The following DRC4 variants were observed in gnomAD, a reference collection of about 807,000 sequenced individuals.
DRC4 encodes GAS-11.
the DRC4 span, among the ~76,000 whole-genome samples, chr16:90,024,693 A>T: frequency 2.0e-5 from 3 of 152,010 alleles, no homozygotes; most frequent in African/African-American, 7.3e-5. Flanking sequence ...CTTATATATA[A>T]CTGAGTTTCT....
At chr16:90,031,533 C>T in the DRC4 span, 18 of 1,526,946 alleles carry the variant, frequency 1.2e-5, no homozygotes, top group East Asian at 4.4e-4. Flanking sequence ...AACCTGGTCA[C>T]CACAGAGCCC....
At chr16:90,025,119 C>T in the DRC4 span, among the ~76,000 whole-genome samples, 9 of 150,322 alleles carry the variant, frequency 6.0e-5, no homozygotes, top group East Asian at 8.2e-4. Context: ...TGGGTTCAAG[C>T]GATTCTCCTG....
At chr16:90,037,337 G>A in the DRC4 span, 1 of 1,613,992 alleles carries the variant, frequency 6.2e-7, no homozygotes, top group South Asian at 1.1e-5. Context: ...GAAGGCTCGG[G>A]AGGAGATGAG....
chr16:90,042,024 G>A, the DRC4 span, among the ~76,000 whole-genome samples: 47 of 151,962 alleles, frequency 3.1e-4, 1 homozygote, highest in South Asian at 5.4e-3. Context: ...TGCAACCTCC[G>A]TTTCCCAGGT....
the DRC4 span, chr16:90,032,631 G>A: frequency 8.2e-7 from 1 of 1,219,026 alleles, no homozygotes; most frequent in Non-Finnish European, 1.2e-6. Flanking sequence ...TGGTACAGGT[G>A]TGCTATGGGT....
At chr16:90,043,080 TG>T in the DRC4 span, 1 of 1,214,482 alleles carries the variant, frequency 8.2e-7, no homozygotes. Context: ...GATAAGCCTT[TG>T]GCTTTATCCT....
chr16:90,042,990 A>G, the DRC4 span: 1 of 570,338 alleles, frequency 1.8e-6, no homozygotes, highest in Non-Finnish European at 3.1e-6. Flanking sequence ...GAATAGGAAT[A>G]GTGACAGCCT....
chr16:90,036,347 C>G, the DRC4 span: 2 of 1,560,326 alleles, frequency 1.3e-6, no homozygotes, highest in African/African-American at 1.4e-5. Flanking sequence ...CCACGTCTTC[C>G]TCTGCTAAGC....
chr16:90,041,336 C>T, the DRC4 span, among the ~76,000 whole-genome samples: 1 of 152,194 alleles, frequency 6.6e-6, no homozygotes, highest in South Asian at 2.1e-4. Flanking sequence ...TTGCTGCTGG[C>T]CAGGTGTGAG....
chr16:90,028,369 T>C, the DRC4 span, among the ~76,000 whole-genome samples: 95 of 151,856 alleles, frequency 6.3e-4, no homozygotes, highest in African/African-American at 2.2e-3. Context: ...TTTGTATTTT[T>C]AGTAGAGACG....
the DRC4 span, chr16:90,031,167 T>A: frequency 6.6e-7 from 1 of 1,518,342 alleles, no homozygotes; most frequent in Non-Finnish European, 8.8e-7. Context: ...TTTAACTTTT[T>A]ACATTTAGCT....
At chr16:90,028,826 A>G in the DRC4 span, 1 of 735,338 alleles carries the variant, frequency 1.4e-6, no homozygotes, top group South Asian at 1.8e-5. Flanking sequence ...TTCTTTTGAT[A>G]GTTGTAAGAT....
the DRC4 span, chr16:90,031,557 T>C: frequency 6.7e-7 from 1 of 1,495,400 alleles, no homozygotes; most frequent in Non-Finnish European, 9.0e-7. Context: ...AGGAGCTGGA[T>C]CCAGTGAGGG....
At chr16:90,031,521 C>G in the DRC4 span, 15 of 1,539,454 alleles carry the variant, frequency 9.7e-6, no homozygotes, top group Non-Finnish European at 1.1e-5. Context: ...CCTGCACGTG[C>G]TAACCTGGTC....
the DRC4 span, chr16:90,027,737 C>T: frequency 6.2e-7 from 1 of 1,612,948 alleles, no homozygotes; most frequent in Non-Finnish European, 8.5e-7. Flanking sequence ...GCAGAGCGGG[C>T]TGTGGCCCAG....
At chr16:90,038,974 C>T in the DRC4 span, among the ~76,000 whole-genome samples, 5 of 152,208 alleles carry the variant, frequency 3.3e-5, no homozygotes, top group East Asian at 9.6e-4. Context: ...AATTTTTGAA[C>T]ACAAACCGTT....
At chr16:90,027,246 C>A in the DRC4 span, among the ~76,000 whole-genome samples, 1 of 151,942 alleles carries the variant, frequency 6.6e-6, no homozygotes, top group Non-Finnish European at 1.5e-5. Context: ...CCGGCACGCC[C>A]GGCTAATTTT....
chr16:90,037,501 G>A, the DRC4 span: 17 of 1,282,010 alleles, frequency 1.3e-5, no homozygotes, highest in Non-Finnish European at 1.7e-5. Context: ...GGGCAGGAAG[G>A]GAGACGGGGA....
At chr16:90,043,425 C>A in the DRC4 span, 3 of 1,355,878 alleles carry the variant, frequency 2.2e-6, no homozygotes, top group Non-Finnish European at 3.0e-6. Context: ...CCAAGGACAG[C>A]AAGTTTTTTA....
Sources: allele counts gnomAD v4.1 joint callset (sites outside exome capture counted in the v4.1 genomes callset), GRCh38; gene constraint gnomAD v4.1.1; transcripts MANE v1.5; gene names NCBI Gene and HGNC (gene_info 2026-07-23, HGNC 2026-07-21).